RPS6KA2: variants seen among roughly 807,000 people sequenced by gnomAD.
RPS6KA2 encodes the protein ribosomal protein S6 kinase alpha-2.
In RPS6KA2, 42 loss-of-function variants were observed where a neutral mutation model predicts 91.8. The observed-to-expected ratio is 0.46, with a 90% CI of 0.36 to 0.59. The LOEUF (loss-of-function observed/expected upper bound fraction) is 0.59, where lower values mean the gene tolerates loss of function less well. RPS6KA2 is among the 20% of genes least tolerant of loss of function. The pLI is 0.00. For missense variants in RPS6KA2, 798 were observed against 978.5 expected, an observed-to-expected ratio of 0.82 and a Z score of 2.46; for synonymous variants, 414 against 393.6, an observed-to-expected ratio of 1.05 and a Z score of -0.61.
rs953507717 is a variant in RPS6KA2 at position 166,419,654 on chromosome 6, A to C, written c.1820+228T>G. 3.3e-5 allele frequency among the ~76,000 whole-genome samples: 5 copies of C among 152,210 alleles called. No homozygotes were observed. The highest frequency in any genetic ancestry group is 5.9e-5 in the Non-Finnish European group (4 of 68,038). ...GACTTGATGTTTTGTTCATGAGCTG[A>C]GTTTAAAGAAAATGGGTGGCTACAT... On this transcript the variant is annotated intron_variant, in intron 18 of 20. Coordinates refer to ENST00000265678, the MANE Select transcript of RPS6KA2 (RefSeq NM_021135.6). This position sits in a 1 kb window ranked among gnomAD's most constrained non-coding sequence, Gnocchi z 5.6.
In RPS6KA2 at chr6:166,434,927, G is replaced by A. The variant is rs1271972813; in HGVS notation, c.1333-2437C>T. Among the ~76,000 whole-genome samples, 1 of 152,168 alleles carries A rather than the reference G, an allele frequency of 6.6e-6. No individual in the cohort carries two copies. Among genetic ancestry groups the A allele is most frequent in the African/African-American group, 2.4e-5 (1 of 41,436 alleles). ...ATAAAATAACCCTGGAAGGAAGGAG[G>A]AAACATTTAATTGCCTTGCCTTCCT... On this transcript the variant is annotated intron_variant, in intron 14 of 20. Coordinates refer to ENST00000265678, the MANE Select transcript of RPS6KA2 (RefSeq NM_021135.6). This position sits in a 1 kb window ranked among gnomAD's most constrained non-coding sequence, Gnocchi z 4.4.
chr6:166,544,723 T>C (rs1038651438), intron 1 of RPS6KA2: 1 of 152,142 alleles, frequency 6.6e-6, no homozygotes, highest in Non-Finnish European at 1.5e-5. Flanking sequence ...TCTGGGGCCT[T>C]CTCTGCCCTT....
intron 1 of RPS6KA2, among the ~76,000 whole-genome samples, chr6:166,560,280 C>T (rs971468670): frequency 3.3e-5 from 5 of 152,200 alleles, no homozygotes; most frequent in African/African-American, 4.8e-5. Context: ...TATTTCAATG[C>T]GCTTACATGA....
At chr6:166,714,525 G>A (rs1158459634) in intron 2 of RPS6KA2, among the ~76,000 whole-genome samples, 1 of 152,216 alleles carries the variant, frequency 6.6e-6, no homozygotes, top group Admixed American at 6.5e-5. Flanking sequence ...ATTAAGACAA[G>A]GTCACTGGGG....
intron 2 of RPS6KA2, among the ~76,000 whole-genome samples, chr6:166,745,693 T>C (rs1790984718): frequency 2.0e-5 from 3 of 151,424 alleles, no homozygotes; most frequent in Non-Finnish European, 4.4e-5. Flanking sequence ...GTGACAACAG[T>C]GCCTGGGCGC....
Position 166,673,328 on chromosome 6 carries a change from C to T in RPS6KA2, c.124-134544G>A, listed in dbSNP as rs578153121. On this transcript the variant is annotated intron_variant, in intron 2 of 21. Coordinates refer to the RPS6KA2 transcript ENST00000503859. ...GGAAGCACTGATCCTGGGTGCAGAG[C>T]AGTCTTGTCCCCCCAGAGCTGTCAT... Among the ~76,000 whole-genome samples, 12 of 146,714 alleles carry T rather than the reference C, an allele frequency of 8.2e-5. No individual in the cohort carries two copies. In the East Asian group the frequency reaches 1.6e-3, roughly 19 times the overall value.
chr6:166,760,358 C>G (rs1461294884), intron 2 of RPS6KA2, among the ~76,000 whole-genome samples: 1 of 152,216 alleles, frequency 6.6e-6, no homozygotes, highest in African/African-American at 2.4e-5. Flanking sequence ...ATATATTGAG[C>G]TGGTCTAATC....
intron 10 of RPS6KA2, among the ~76,000 whole-genome samples, chr6:166,481,404 C>T (rs1373940851): frequency 6.6e-6 from 1 of 152,248 alleles, no homozygotes; most frequent in Non-Finnish European, 1.5e-5. Flanking sequence ...TGGAATCAAG[C>T]CAAGGTCCCC....
At chr6:166,820,580 A>C (rs1441046210) in intron 2 of RPS6KA2, among the ~76,000 whole-genome samples, 1 of 152,252 alleles carries the variant, frequency 6.6e-6, no homozygotes, top group Admixed American at 6.5e-5. Context: ...CAAATGTTCT[A>C]TTCTGTTACC....
intron 2 of RPS6KA2, among the ~76,000 whole-genome samples, chr6:166,826,492 A>G (rs1780051251): frequency 6.6e-6 from 1 of 152,258 alleles, no homozygotes; most frequent in South Asian, 2.1e-4. Flanking sequence ...GTGCAATTCA[A>G]GGGAGAATCT....
intron 1 of RPS6KA2, among the ~76,000 whole-genome samples, chr6:166,617,245 A>T (rs1786447706): frequency 6.6e-6 from 1 of 152,192 alleles, no homozygotes; most frequent in Admixed American, 6.5e-5. Context: ...ATCCTTATTG[A>T]CTTTTCCTGT....
rs1422205773 is a variant in RPS6KA2, at chr6:166,612,164, G to C, written c.99+14757C>G. Among the ~76,000 whole-genome samples, 1 of 152,036 alleles carries C rather than the reference G, an allele frequency of 6.6e-6. No individual in the cohort carries two copies. Among genetic ancestry groups the C allele is most frequent in the Admixed American group, 6.5e-5 (1 of 15,272 alleles). On this transcript the variant is annotated intron_variant, in intron 1 of 20. Transcript: ENST00000265678. This position sits in a 1 kb window ranked among gnomAD's most constrained non-coding sequence, Gnocchi z 4.3. The stretch of plus-strand genomic sequence containing the variant: ...GATGCAAGGGCCGCAATCTGAGTGT[G>C]AGGGCCAGGGAACTCACTGACCATC...
intron 1 of RPS6KA2, among the ~76,000 whole-genome samples, chr6:166,609,722 A>G (rs893262211): frequency 4.0e-5 from 6 of 151,636 alleles, no homozygotes; most frequent in African/African-American, 1.5e-4. Flanking sequence ...CTGGTCTCGA[A>G]CTCCTGACCT....
intron 13 of RPS6KA2, among the ~76,000 whole-genome samples, chr6:166,450,470 TACCACCCCAGGG>T (rs1437288528): frequency 9.8e-6 from 1 of 102,072 alleles, no homozygotes; most frequent in East Asian, 3.3e-4. Context: ...CCACCATGGC[TACCACCCCAGGG>T]ACCACCCTGG....
At chr6:166,834,830 A>ATTATTTATTTATTTATTTAT (rs34377390) in intron 2 of RPS6KA2, among the ~76,000 whole-genome samples, 1 of 65,554 alleles carries the variant, frequency 1.5e-5, no homozygotes, top group East Asian at 2.3e-4. Flanking sequence ...ATGGCGTCCT[A>ATTATTTATTTATTTATTTAT]TTATTTATTT....
At position 166,722,594 on chromosome 6, in the gene RPS6KA2, G is replaced by A. The variant is rs771188091; in HGVS notation, c.123+135606C>T. ...GGAATGTCCACCTGGCTTTGGGTCC[G>A]TGACCCTCACTAGCCTATCCCTGGA... On this transcript the variant is annotated intron_variant, in intron 2 of 21. Transcript: ENST00000503859. Among the ~76,000 whole-genome samples, 3 of 152,188 alleles carry A rather than the reference G, an allele frequency of 2.0e-5. No individual in the cohort carries two copies. In the South Asian group the frequency reaches 6.2e-4, roughly 32 times the overall value.
chr6:166,734,890 A>G (rs6456119), intron 2 of RPS6KA2, among the ~76,000 whole-genome samples: 55,060 of 152,102 alleles, frequency 0.36, 14,050 homozygotes, highest in African/African-American at 0.73. Flanking sequence ...ACAGAATGAG[A>G]AAATATCACA....
intron 2 of RPS6KA2, among the ~76,000 whole-genome samples, chr6:166,746,764 A>G (rs1480158560): frequency 6.6e-6 from 1 of 151,886 alleles, no homozygotes; most frequent in African/African-American, 2.4e-5. Flanking sequence ...AGGGGTTCCT[A>G]TTGAAGGGGT....
chr6:166,714,191 C>T (rs940859687), intron 2 of RPS6KA2, among the ~76,000 whole-genome samples: 2 of 152,228 alleles, frequency 1.3e-5, no homozygotes, highest in Admixed American at 1.3e-4. Context: ...GGAAGAGGTG[C>T]AGGCCAGTGT....
Sources: gnomAD v4.1 joint callset for allele counts (sites outside exome capture counted in the v4.1 genomes callset) on GRCh38, gnomAD v4.1.1 for gene constraint, Gnocchi (gnomAD v3.1) non-coding constraint, MANE v1.5 for transcripts, NCBI Gene and HGNC (gene_info 2026-07-23, HGNC 2026-07-21) for gene names.